The following ANKMY1 variants were observed in gnomAD, a reference collection of about 807,000 sequenced individuals.
The protein encoded by ANKMY1 is ankyrin repeat and MYND domain-containing protein 1.
Under a neutral mutation model 102.0 loss-of-function variants are expected in ANKMY1, and 98 were observed. That is an observed-to-expected ratio of 0.96 (90% CI 0.82 to 1.14). The LOEUF (loss-of-function observed/expected upper bound fraction) is 1.14. Among genes scored for constraint, ANKMY1 ranks in the 50% most tolerant of loss-of-function variants. The pLI, the probability that ANKMY1 is intolerant of heterozygous loss-of-function variation, is 0.00. For synonymous variants in ANKMY1, 582 were observed against 559.9 expected (o/e 1.04, Z -0.56); for missense variants, 1,330 against 1,347.6 (o/e 0.99, Z 0.20).
Position 240,523,940 on chromosome 2 carries a change from A to G in ANKMY1, c.1777T>C (p.Cys593Arg). 1.2e-6 allele frequency: 2 copies of G among 1,613,772 alleles called. No individual in the cohort carries two copies. The highest frequency in any genetic ancestry group is 1.7e-6 in the Non-Finnish European group (2 of 1,180,038). Residue 593 changes from cysteine (C) to arginine (R), a missense_variant, in exon 8 of 18, where the codon TGC becomes CGC. Transcript: ENST00000401804. ...SLLKMASPSP[C>R]TSSFDKGTMR... Reference sequence around the variant, plus strand: ...GTCCCTTTGTCGAAGCTGCTGGTGCACGGTGAGGGCGAGGCCATCTTCAGC... The same window carrying G: ...GTCCCTTTGTCGAAGCTGCTGGTGCGCGGTGAGGGCGAGGCCATCTTCAGC...
At position 240,511,860 on chromosome 2, in the gene ANKMY1, C is replaced by A. The variant is rs749689492; in HGVS notation, c.2286+1G>T. The A allele has an allele frequency of 1.1e-5, 17 of 1,585,442 alleles. No homozygotes were observed. The highest frequency in any genetic ancestry group is 1.3e-5 in the Non-Finnish European group (15 of 1,173,760). The stretch of plus-strand genomic sequence containing the variant: ...CCCCGCCAGGCCCTGGCTGCCCTCA[C>A]CTTGTTGTCATCCTCCCGCTCGCAG... On this transcript the variant is annotated splice_donor_variant, in intron 11 of 17. Coordinates refer to ENST00000401804, the MANE Select transcript of ANKMY1 (RefSeq NM_001282771.3). LOFTEE classifies it high-confidence loss of function.
the ANKMY1 span, among the ~76,000 whole-genome samples, chr2:240,471,899 C>T: frequency 1.3e-5 from 2 of 152,184 alleles, no homozygotes; most frequent in Non-Finnish European, 2.9e-5. Flanking sequence ...TCTCCTGACA[C>T]AGGAACCATC....
In ANKMY1 at chr2:240,529,236, TGTCA is replaced by T. The variant is rs1297210484; in HGVS notation, c.750_753del (p.Asn250LysfsTer3). On this transcript the variant is annotated frameshift_variant, in exon 5 of 18. Transcript: ENST00000401804. LOFTEE classifies it high-confidence loss of function. This position sits in a 1 kb window ranked among gnomAD's most constrained non-coding sequence, Gnocchi z 4.2. ...TACATTTCTGGAGGCAGCGTTAGGT[TGTCA>T]TTCAGAAGAAACCGCTTATAGTCAT... 1 of 1,614,184 alleles carries T rather than the reference TGTCA, an allele frequency of 6.2e-7. No homozygotes were observed. Among genetic ancestry groups the T allele is most frequent in the Non-Finnish European group, 8.5e-7 (1 of 1,180,028 alleles).
At chr2:240,534,805 T>C (rs2086328521) in intron 4 of ANKMY1, among the ~76,000 whole-genome samples, 1 of 151,522 alleles carries the variant, frequency 6.6e-6, no homozygotes, top group Non-Finnish European at 1.5e-5. Flanking sequence ...AAAAAAAGCA[T>C]ATCGGATTTA....
chr2:240,516,144 T>G (rs1205535019), intron 9 of ANKMY1, among the ~76,000 whole-genome samples: 2 of 98,716 alleles, frequency 2.0e-5, no homozygotes, highest in African/African-American at 7.8e-5. Flanking sequence ...TAAAGGTTTT[T>G]GTGGGGTTTT....
intron 15 of ANKMY1, among the ~76,000 whole-genome samples, chr2:240,483,256 A>G (rs2075646639): frequency 6.6e-6 from 1 of 152,048 alleles, no homozygotes; most frequent in African/African-American, 2.4e-5. Context: ...TCCTAGGTCC[A>G]AGTGATTCTC....
At chr2:240,490,474 C>T (rs912920479) in intron 15 of ANKMY1, among the ~76,000 whole-genome samples, 13 of 152,142 alleles carry the variant, frequency 8.5e-5, no homozygotes, top group South Asian at 2.1e-4. Flanking sequence ...CTTTTATCTT[C>T]GTTTGTTTCA....
downstream of ANKMY1, among the ~76,000 whole-genome samples, chr2:240,475,505 G>A (rs144707161): frequency 0.037 from 5,623 of 152,058 alleles, 151 homozygotes; most frequent in Non-Finnish European, 0.057. Context: ...AAATTTAAGC[G>A]AGGTAAAAGA....
At position 240,493,173 on chromosome 2, in the gene ANKMY1, A is replaced by G. The variant is rs1316871418; in HGVS notation, c.2806+6785T>C. 4.6e-5 allele frequency among the ~76,000 whole-genome samples: 7 copies of G among 152,070 alleles called. No individual in the cohort carries two copies. The East Asian group carries it at 1.4e-3, about 30-fold the overall frequency. ...CCCATCTCTACTAAAAATACAAAAA[A>G]AAAATTAGCCAGGCATGGTGGTGCA... On this transcript the variant is annotated intron_variant, in intron 15 of 17. Transcript: ENST00000401804.
upstream of ANKMY1, chr2:240,560,730 C>A (rs757864566): frequency 6.6e-5 from 101 of 1,521,840 alleles, no homozygotes; most frequent in Non-Finnish European, 3.2e-5. Context: ...CTCGCCCGTA[C>A]CTCCACCGTT....
rs1325184532 is a variant in ANKMY1 at position 240,525,864 on chromosome 2, G to A, written c.1171-15C>T. The A allele has an allele frequency of 6.2e-7, 1 of 1,612,842 alleles. No individual in the cohort carries two copies. The highest frequency in any genetic ancestry group is 1.7e-5 in the Admixed American group (1 of 59,974). ...TGGCAGTGAGTCTGGAGGGAGATGAGGCAGGACTCAGGATGATGCACCTGG... is the reference window on the plus strand; with the variant it reads ...TGGCAGTGAGTCTGGAGGGAGATGAAGCAGGACTCAGGATGATGCACCTGG... On this transcript the variant is annotated splice_polypyrimidine_tract_variant and intron_variant, in intron 6 of 17. Coordinates refer to ENST00000401804, the MANE Select transcript of ANKMY1 (RefSeq NM_001282771.3).
chr2:240,554,920 C>T lies in ANKMY1; in HGVS notation c.282G>A (p.Glu94=), dbSNP rs775620171. 6.2e-7 allele frequency: 1 copy of T among 1,614,188 alleles called. No homozygotes were observed. Among genetic ancestry groups the T allele is most frequent in the Non-Finnish European group, 8.5e-7 (1 of 1,180,032 alleles). ...EWQDGCMYQG[E]FGLNMKLGYG... ...ATCCAAGCTTCATGTTCAACCCAAA[C>T]TCCCCCTGGTACATGCAACCATCCT... is the stretch of plus-strand genomic sequence containing the variant. Residue 94 remains glutamate (E), a synonymous_variant, in exon 3 of 18, where the codon GAG becomes GAA. Coordinates refer to ENST00000401804, the MANE Select transcript of ANKMY1 (RefSeq NM_001282771.3).
chr2:240,542,487 G>C (rs1235821070), intron 4 of ANKMY1, among the ~76,000 whole-genome samples: 1 of 150,266 alleles, frequency 6.7e-6, no homozygotes, highest in African/African-American at 2.5e-5. Context: ...CTGGGCAACA[G>C]ACCGAGACTC....
Position 240,499,556 on chromosome 2 carries a change from G to A in ANKMY1, c.2806+402C>T, listed in dbSNP as rs1314602197. On this transcript the variant is annotated intron_variant, in intron 15 of 17. Transcript: ENST00000401804. This position sits in a 1 kb window ranked among gnomAD's most constrained non-coding sequence, Gnocchi z 4.2. The stretch of plus-strand genomic sequence containing the variant: ...TGGGGAGCTGGGGACATGTAGGGGT[G>A]TGCAGGATGCACCCTGTAGGGAGGG... Among the ~76,000 whole-genome samples the A allele has an allele frequency of 2.6e-5, 4 of 151,962 alleles. No homozygotes were observed. Among genetic ancestry groups the A allele is most frequent in the Admixed American group, 6.5e-5 (1 of 15,270 alleles).
intron 4 of ANKMY1, among the ~76,000 whole-genome samples, chr2:240,544,068 T>C (rs972160231): frequency 1.4e-4 from 21 of 152,186 alleles, no homozygotes; most frequent in African/African-American, 4.3e-4. Flanking sequence ...TAAAGGTTAG[T>C]TCAAATTATA....
At position 240,526,458 on chromosome 2, in the gene ANKMY1, C is replaced by G; in HGVS notation, c.954-13G>C. The G allele has an allele frequency of 6.2e-7, 1 of 1,613,956 alleles. No homozygotes were observed. Among genetic ancestry groups the G allele is most frequent in the Non-Finnish European group, 8.5e-7 (1 of 1,180,022 alleles). ...AGCTGGCTTGTTCCTGGCAACACAA[C>G]AAGTTTCAGTGGTCCTAGACCAGGT... On this transcript the variant is annotated splice_polypyrimidine_tract_variant and intron_variant, in intron 5 of 17. Coordinates refer to ENST00000401804, the MANE Select transcript of ANKMY1 (RefSeq NM_001282771.3).
intron 4 of ANKMY1, among the ~76,000 whole-genome samples, chr2:240,547,987 G>C (rs1312756920): frequency 1.3e-5 from 2 of 152,268 alleles, no homozygotes; most frequent in East Asian, 1.9e-4. Context: ...AATAAAAAAA[G>C]AGGGAATCCT....
chr2:240,560,632 G>A, upstream of ANKMY1: 1 of 1,425,578 alleles, frequency 7.0e-7, no homozygotes, highest in East Asian at 2.8e-5. Flanking sequence ...GCGGGCGCCT[G>A]AGCCCCCAAA....
intron 4 of ANKMY1, among the ~76,000 whole-genome samples, chr2:240,549,049 A>G (rs2091003868): frequency 6.6e-6 from 1 of 151,488 alleles, no homozygotes. Flanking sequence ...AAGAGCCCGC[A>G]TCGCCAAGTC....
Sources: gnomAD v4.1 joint callset for allele counts (sites outside exome capture counted in the v4.1 genomes callset) on GRCh38, gnomAD v4.1.1 for gene constraint, Gnocchi (gnomAD v3.1) non-coding constraint, MANE v1.5 for transcripts, NCBI Gene and HGNC (gene_info 2026-07-23, HGNC 2026-07-21) for gene names.